The following ATP6V1C2 variants were observed in gnomAD, a reference collection of about 807,000 sequenced individuals.
ATP6V1C2 encodes V-type proton ATPase subunit C 2.
A neutral mutation model predicts 56.8 loss-of-function variants in ATP6V1C2; 45 were observed. That is an observed-to-expected ratio of 0.79 (90% CI 0.62 to 1.02). ATP6V1C2 has a LOEUF of 1.02. ATP6V1C2 is among the 50% of genes least tolerant of loss of function. ATP6V1C2 has a pLI of 0.00. For missense variants in ATP6V1C2, 463 were observed against 519.7 expected (o/e 0.89, Z 1.06); for synonymous variants, 220 against 201.3 (o/e 1.09, Z -0.79).
At chr2:10,723,292 T>C (rs962121778) in intron 2 of ATP6V1C2, among the ~76,000 whole-genome samples, 5 of 152,158 alleles carry the variant, frequency 3.3e-5, no homozygotes, top group Non-Finnish European at 5.9e-5. Context: ...CAGGTTCTCT[T>C]GGGTGTTCCT....
Position 10,762,167 on chromosome 2 carries a change from A to G in ATP6V1C2, c.284-2164A>G, listed in dbSNP as rs185036434. ...TAAATTTTTTTTTTTTTTTTTTGAG[A>G]TGGAGTCTCCCTTCGTTGCCCAGGC... On this transcript the variant is annotated intron_variant, in intron 4 of 13. Coordinates refer to ENST00000272238, the MANE Select transcript of ATP6V1C2 (RefSeq NM_001039362.2). 7.3e-3 allele frequency among the ~76,000 whole-genome samples: 971 copies of G among 132,700 alleles called. 10 individuals are homozygous for G. Among genetic ancestry groups the G allele is most frequent in the African/African-American group, 0.03 (921 of 31,024 alleles). The allele number at this position is 132,700 out of a possible 152,430, so 87.1% of individuals were successfully genotyped here. A position where few individuals can be genotyped will look rare whatever the true frequency, so the allele number is the denominator to read the frequency against.
intron 8 of ATP6V1C2, among the ~76,000 whole-genome samples, chr2:10,773,444 C>G (rs902131): frequency 0.99 from 150,651 of 152,302 alleles, 74,536 homozygotes; most frequent in Non-Finnish European, 1. Context: ...GTGCAGTGGC[C>G]CGAGCTCAGC....
intron 3 of ATP6V1C2, among the ~76,000 whole-genome samples, chr2:10,733,584 C>G (rs1662082023): frequency 6.6e-6 from 1 of 150,942 alleles, no homozygotes; most frequent in Non-Finnish European, 1.5e-5. Flanking sequence ...TTAATTTATT[C>G]TGTATTTGCC....
chr2:10,783,555 T>G lies in ATP6V1C2; in HGVS notation c.*292T>G, dbSNP rs1484176515. 6.8e-6 allele frequency: 2 copies of G among 294,894 alleles called. No individual in the cohort carries two copies. Among genetic ancestry groups the G allele is most frequent in the South Asian group, 3.6e-5 (1 of 27,724 alleles). The allele number at this position is 294,894 out of a possible 1,614,324, so 18.3% of individuals were successfully genotyped here. ...TGTATTTCATGTCTTAACGGCTATTTTGAGGTTCATTAACAACATAGAAAG... is the reference window on the plus strand; with the variant it reads ...TGTATTTCATGTCTTAACGGCTATTGTGAGGTTCATTAACAACATAGAAAG... On this transcript the variant is annotated 3_prime_UTR_variant, in exon 14 of 14. Transcript: ENST00000272238.
At position 10,785,000 on chromosome 2, in the gene ATP6V1C2, T is replaced by C. The variant is rs1381566813; in HGVS notation, c.*1737T>C. The C allele has an allele frequency of 6.3e-6, 10 of 1,585,466 alleles. No homozygotes were observed. Among genetic ancestry groups the C allele is most frequent in the Non-Finnish European group, 8.6e-6 (10 of 1,164,324 alleles). ...TAGGGAAAGCCCCGCCTCCTACAGG[T>C]GCCGTGGAGCCACGCCCAAAAGAGA... On this transcript the variant is annotated 3_prime_UTR_variant, in exon 14 of 14. Coordinates refer to ENST00000272238, the MANE Select transcript of ATP6V1C2 (RefSeq NM_001039362.2).
intron 5 of ATP6V1C2, chr2:10,767,810 T>A (rs1664327554): frequency 6.6e-6 from 1 of 151,516 alleles, no homozygotes; most frequent in Non-Finnish European, 1.5e-5. Context: ...TTAATTATAT[T>A]TATTTTATCT....
Position 10,778,568 on chromosome 2 carries a change from G to A in ATP6V1C2, c.964-4G>A. 1.2e-6 allele frequency: 2 copies of A among 1,613,960 alleles called. No individual in the cohort carries two copies. Among genetic ancestry groups the A allele is most frequent in the Non-Finnish European group, 1.7e-6 (2 of 1,179,890 alleles). ...GGGGTCACCTGGCTCTTCTGTCTTT[G>A]CAGGGCCCCCTGCTGCGCTGGCTCA... is the stretch of plus-strand genomic sequence containing the variant. On this transcript the variant is annotated splice_region_variant and splice_polypyrimidine_tract_variant and intron_variant, in intron 11 of 13. Transcript: ENST00000272238.
chr2:10,769,004 C>T (rs1043419421), intron 6 of ATP6V1C2, among the ~76,000 whole-genome samples, 194 bp downstream of exon 6: 2 of 152,136 alleles, frequency 1.3e-5, no homozygotes, highest in Non-Finnish European at 2.9e-5. Flanking sequence ...TGAGGGTGAT[C>T]ACACCCCGTG....
At chr2:10,748,696 G>T (rs1340041230) in intron 3 of ATP6V1C2, among the ~76,000 whole-genome samples, 1 of 152,134 alleles carries the variant, frequency 6.6e-6, no homozygotes, top group Non-Finnish European at 1.5e-5. Flanking sequence ...ATTTCCATGG[G>T]CCTTGGAGAA....
rs552514837 is a variant in ATP6V1C2, at chr2:10,771,604, C to T, written c.471-235C>T. Among the ~76,000 whole-genome samples the T allele has an allele frequency of 4.5e-4, 69 of 152,330 alleles. 1 individual carries two copies. The highest frequency in any genetic ancestry group is 8.8e-5 in the Non-Finnish European group (6 of 68,016). On this transcript the variant is annotated intron_variant, in intron 6 of 13. Transcript: ENST00000272238. ...GTGATAGCACCCGAGGCCCTGCCAGCCTCCCTGTCCCTGGAGGGGAGGAGG... is the reference window on the plus strand; with the variant it reads ...GTGATAGCACCCGAGGCCCTGCCAGTCTCCCTGTCCCTGGAGGGGAGGAGG...
In ATP6V1C2 at chr2:10,777,856, G is replaced by A. The variant is rs544946447; in HGVS notation, c.963+134G>A. 112 of 1,142,918 alleles carry A rather than the reference G, an allele frequency of 9.8e-5. No homozygotes were observed. In the African/African-American group the frequency reaches 1.3e-3, roughly 13 times the overall value. The allele number at this position is 1,142,918 out of a possible 1,614,324, so 70.8% of individuals were successfully genotyped here. Reference sequence around the variant, plus strand: ...TTTGAGGTCTTAAATTTGAGGAGCCGGAATCATGCCTTCCTCCTAATCTGC... The same window carrying A: ...TTTGAGGTCTTAAATTTGAGGAGCCAGAATCATGCCTTCCTCCTAATCTGC... On this transcript the variant is annotated intron_variant, in intron 11 of 13. Transcript: ENST00000272238.
At position 10,784,850 on chromosome 2, in the gene ATP6V1C2, A is replaced by T; in HGVS notation, c.*1587A>T. The T allele has an allele frequency of 1.0e-6, 1 of 1,001,204 alleles. No homozygotes were observed. Among genetic ancestry groups the T allele is most frequent in the Non-Finnish European group, 1.5e-6 (1 of 650,104 alleles). The allele number at this position is 1,001,204 out of a possible 1,614,324, so 62.0% of individuals were successfully genotyped here. ...CCAGGGCTGAGGTCTGATGGGAAGG[A>T]CTTGACTCCAGGTGCAGAGATGCAC... is the stretch of plus-strand genomic sequence containing the variant. On this transcript the variant is annotated 3_prime_UTR_variant, in exon 14 of 14. Coordinates refer to ENST00000272238, the MANE Select transcript of ATP6V1C2 (RefSeq NM_001039362.2).
In ATP6V1C2 at chr2:10,748,295, G is replaced by A. The variant is rs115831299; in HGVS notation, c.198-5686G>A. Among the ~76,000 whole-genome samples, 1,383 of 152,258 alleles carry A rather than the reference G, an allele frequency of 9.1e-3. 31 individuals carry two copies. The highest frequency in any genetic ancestry group is 0.032 in the African/African-American group (1,323 of 41,558). On this transcript the variant is annotated intron_variant, in intron 3 of 13. Coordinates refer to ENST00000272238, the MANE Select transcript of ATP6V1C2 (RefSeq NM_001039362.2). ...TCGTGCTGCTTCCTCATGGCTAGAC[G>A]GAGGTTATGCAGTTTTGGCAAAACA...
intron 4 of ATP6V1C2, among the ~76,000 whole-genome samples, chr2:10,755,676 TC>T (rs1223716325): frequency 1.3e-5 from 2 of 152,098 alleles, no homozygotes; most frequent in Non-Finnish European, 2.9e-5. Flanking sequence ...GCCACCACTC[TC>T]CCCACCTGGG....
chr2:10,721,671 CG>C lies in ATP6V1C2; in HGVS notation c.-86del. 1 of 151,568 alleles carries C rather than the reference CG, an allele frequency of 6.6e-6. No homozygotes were observed. The highest frequency in any genetic ancestry group is 2.1e-4 in the South Asian group (1 of 4,874). The allele number at this position is 151,568 out of a possible 1,614,324, so 9.4% of individuals were successfully genotyped here. The stretch of plus-strand genomic sequence containing the variant: ...GGGAGCCGGCAGAGCGCTCCGGCCC[CG>C]CACCCGCCGCCCGTCGCCCGCAGCC... On this transcript the variant is annotated 5_prime_UTR_variant, in exon 1 of 14. Coordinates refer to ENST00000272238, the MANE Select transcript of ATP6V1C2 (RefSeq NM_001039362.2).
chr2:10,782,315 A>G lies in ATP6V1C2; in HGVS notation c.1134A>G (p.Arg378=), dbSNP rs1456294170. The change falls in exon 13 of 14, where the codon AGA becomes AGG. Residue 378 remains arginine, a synonymous_variant. Coordinates refer to ENST00000272238, the MANE Select transcript of ATP6V1C2 (RefSeq NM_001039362.2). ...AGAAGTCATCCACCAAGCGTTTAAG[A>G]GAGGTTCTAAACTCTGTCTTCCGAC... ...PHKKSSTKRL[R]EVLNSVFRHL... 3 of 1,614,224 alleles carry G rather than the reference A, an allele frequency of 1.9e-6. No individual in the cohort carries two copies. The highest frequency in any genetic ancestry group is 4.5e-5 in the East Asian group (2 of 44,886).
intron 12 of ATP6V1C2, among the ~76,000 whole-genome samples, chr2:10,779,496 G>T (rs1390219810): frequency 6.9e-6 from 1 of 144,328 alleles, no homozygotes; most frequent in Non-Finnish European, 1.5e-5. Flanking sequence ...GACCAGCCTG[G>T]CCAACATGGT....
In ATP6V1C2 at chr2:10,758,049, G is replaced by T. The variant is rs543283758; in HGVS notation, c.283+3983G>T. ...CTTTAGAGATTGGCAGTTATCAAAT[G>T]CCTTCCCAAATGCAGTTTGTTTGTC... On this transcript the variant is annotated intron_variant, in intron 4 of 13. Transcript: ENST00000272238. 9.2e-5 allele frequency among the ~76,000 whole-genome samples: 14 copies of T among 152,310 alleles called. No individual in the cohort carries two copies. The South Asian group carries it at 2.7e-3, about 29-fold the overall frequency.
chr2:10,726,412 T>C (rs1661642569), intron 2 of ATP6V1C2, 90 bp from the exon 3 acceptor site: 1 of 1,015,434 alleles, frequency 9.8e-7, no homozygotes, highest in Non-Finnish European at 1.6e-6. Flanking sequence ...AAATTCAAGA[T>C]GAAGTGACAG....
Sources: allele counts gnomAD v4.1 joint callset (sites outside exome capture counted in the v4.1 genomes callset), GRCh38; gene constraint gnomAD v4.1.1; transcripts MANE v1.5; gene names NCBI Gene and HGNC (gene_info 2026-07-23, HGNC 2026-07-21).